Variants in NTM observed in about 807,000 individuals in gnomAD.
NTM encodes neurotrimin.
Under a neutral mutation model 42.1 loss-of-function variants are expected in NTM, and 13 were observed. The observed-to-expected ratio is 0.31, with a 90% CI of 0.20 to 0.49. The LOEUF is 0.49. Ranked by LOEUF, NTM falls within the 20% of genes least tolerant of loss-of-function variation. NTM has a pLI of 0.99. For synonymous variants in NTM, 187 were observed against 179.2 expected, an observed-to-expected ratio of 1.04 and a Z score of -0.35; for missense variants, 373 against 452.8, an observed-to-expected ratio of 0.82 and a Z score of 1.60.
chr11:131,720,816 T>C (rs537391266), intron 1 of NTM, among the ~76,000 whole-genome samples: 5 of 152,310 alleles, frequency 3.3e-5, no homozygotes, highest in African/African-American at 1.2e-4. Context: ...CTTGGGTAAA[T>C]TACCTAGCCT....
At chr11:131,962,402 C>T (rs2062302685) in intron 2 of NTM, among the ~76,000 whole-genome samples, 1 of 152,114 alleles carries the variant, frequency 6.6e-6, no homozygotes, top group South Asian at 2.1e-4. Context: ...GAGATGGGGA[C>T]TTTGAAGGTG....
chr11:131,803,085 A>C (rs947643677), intron 1 of NTM, among the ~76,000 whole-genome samples: 3 of 152,172 alleles, frequency 2.0e-5, no homozygotes, highest in African/African-American at 7.2e-5. Context: ...TGAGGTAGCA[A>C]ATACAGGACA....
intron 1 of NTM, among the ~76,000 whole-genome samples, chr11:131,477,016 G>A (rs1202803164): frequency 6.6e-6 from 1 of 152,086 alleles, no homozygotes; most frequent in Non-Finnish European, 1.5e-5. Flanking sequence ...TTAACAGAGT[G>A]ATAATAGATT....
At position 131,517,965 on chromosome 11, in the gene NTM, C is replaced by T. The variant is rs375097082; in HGVS notation, c.82+147077C>T. 2.0e-4 allele frequency among the ~76,000 whole-genome samples: 30 copies of T among 152,324 alleles called. 3 individuals are homozygous for T. In the South Asian group the frequency reaches 2.7e-3, roughly 14 times the overall value. On this transcript the variant is annotated intron_variant, in intron 1 of 8. Transcript: ENST00000683400. The stretch of plus-strand genomic sequence containing the variant: ...TTTACATGGAATGCACAGAAGGTGA[C>T]ATTCTGTCTGTAACAATAGGTTATA...
Position 132,111,769 on chromosome 11 carries a change from A to G in NTM, c.168-34513A>G, listed in dbSNP as rs142054027. ...AATGACTTCCTATCTAAATTCTACA[A>G]TAGGTAAAATAGAATACGTTTCTTC... On this transcript the variant is annotated intron_variant, in intron 2 of 8. Coordinates refer to ENST00000683400, the MANE Select transcript of NTM (RefSeq NM_001352005.2). Among the ~76,000 whole-genome samples the G allele has an allele frequency of 3.3e-4, 51 of 152,372 alleles. No homozygotes were observed. In the Middle Eastern group the frequency reaches 0.01, roughly 30 times the overall value.
chr11:131,379,706 T>C (rs1294455311), intron 1 of NTM, among the ~76,000 whole-genome samples: 1 of 152,262 alleles, frequency 6.6e-6, no homozygotes, highest in Non-Finnish European at 1.5e-5. Context: ...CTAGTTTTTC[T>C]ACATGACTGT....
chr11:131,397,247 C>T lies in NTM; in HGVS notation c.82+26359C>T, dbSNP rs111638964. ...TTCATGTTAGGCCTTTGGAACCATACACTTGAATTTACTTTCAAGGCTGCC... is the reference window on the plus strand; with the variant it reads ...TTCATGTTAGGCCTTTGGAACCATATACTTGAATTTACTTTCAAGGCTGCC... On this transcript the variant is annotated intron_variant, in intron 1 of 8. Transcript: ENST00000683400. 1.9e-3 allele frequency among the ~76,000 whole-genome samples: 295 copies of T among 152,252 alleles called. 1 individual carries two copies. The highest frequency in any genetic ancestry group is 6.3e-3 in the African/African-American group (260 of 41,546).
chr11:131,874,052 T>TAATA (rs1423528030), intron 1 of NTM, among the ~76,000 whole-genome samples: 4 of 92,458 alleles, frequency 4.3e-5, no homozygotes, highest in South Asian at 5.7e-4. Flanking sequence ...TATATATATA[T>TAATA]ATATATATAT....
intron 1 of NTM, among the ~76,000 whole-genome samples, chr11:131,879,749 A>G (rs111424800): frequency 1.3e-5 from 2 of 151,970 alleles, no homozygotes; most frequent in African/African-American, 4.8e-5. Context: ...ACTTCCAAAA[A>G]ATCCTTGGCT....
chr11:131,935,785 G>C (rs1289363743), intron 2 of NTM, among the ~76,000 whole-genome samples: 2 of 152,142 alleles, frequency 1.3e-5, no homozygotes, highest in Non-Finnish European at 2.9e-5. Flanking sequence ...CAAAATTACA[G>C]AAGAATCTGT....
At chr11:131,938,300 C>T (rs529272830) in intron 2 of NTM, among the ~76,000 whole-genome samples, 5 of 152,058 alleles carry the variant, frequency 3.3e-5, no homozygotes, top group African/African-American at 1.2e-4. Context: ...ACCTGAGCCC[C>T]GGGGGATGGG....
intron 1 of NTM, among the ~76,000 whole-genome samples, chr11:131,905,301 A>G (rs2053704079): frequency 6.6e-6 from 1 of 152,072 alleles, no homozygotes; most frequent in Non-Finnish European, 1.5e-5. Flanking sequence ...TTCTTATTGG[A>G]TAAATATGTA....
chr11:132,011,063 T>G (rs2072065178), intron 2 of NTM, among the ~76,000 whole-genome samples: 1 of 151,790 alleles, frequency 6.6e-6, no homozygotes, highest in African/African-American at 2.4e-5. Flanking sequence ...TCATACATGT[T>G]AATTATAAGC....
intron 1 of NTM, among the ~76,000 whole-genome samples, chr11:131,721,578 G>A (rs187935985): frequency 2.0e-5 from 3 of 152,138 alleles, no homozygotes; most frequent in African/African-American, 4.8e-5. Context: ...TGAGCTCCAC[G>A]TCCATCTACC....
At chr11:132,134,547 G>A (rs6590624) in intron 2 of NTM, among the ~76,000 whole-genome samples, 86,146 of 149,662 alleles carry the variant, frequency 0.58, 25,344 homozygotes, top group Middle Eastern at 0.7. Flanking sequence ...TCATGGCTTG[G>A]CTCCTATATA....
At chr11:132,096,938 G>A (rs1344763636) in intron 2 of NTM, among the ~76,000 whole-genome samples, 1 of 152,148 alleles carries the variant, frequency 6.6e-6, no homozygotes, top group Admixed American at 6.5e-5. Context: ...GTTCTCTGGT[G>A]CTGCAGACAC....
chr11:132,027,741 G>C (rs112596850), intron 2 of NTM, among the ~76,000 whole-genome samples: 2,401 of 152,222 alleles, frequency 0.016, 59 homozygotes, highest in African/African-American at 0.054. Context: ...ATTTTGATTA[G>C]TGTTCTCTGA....
chr11:132,033,825 T>C (rs2135692477), intron 2 of NTM, among the ~76,000 whole-genome samples: 1 of 152,314 alleles, frequency 6.6e-6, no homozygotes, highest in Admixed American at 6.5e-5. Flanking sequence ...ACGGGATTTG[T>C]TTTATAGACT....
chr11:132,122,180 C>G (rs2136940900), intron 2 of NTM, among the ~76,000 whole-genome samples: 1 of 152,324 alleles, frequency 6.6e-6, no homozygotes, highest in South Asian at 2.1e-4. Context: ...GACAGGGCTT[C>G]TCTTTGGGAA....
Sources: allele counts gnomAD v4.1 joint callset (sites outside exome capture counted in the v4.1 genomes callset), GRCh38; gene constraint gnomAD v4.1.1; transcripts MANE v1.5; gene names NCBI Gene and HGNC (gene_info 2026-07-23, HGNC 2026-07-21).